Variants in CPA6 observed in about 807,000 individuals in gnomAD.
CPA6 encodes carboxypeptidase A6.
CPA6 carries 58 observed loss-of-function variants against 63.3 expected under a neutral mutation model. That is an observed-to-expected ratio of 0.92 (90% CI 0.74 to 1.14). The LOEUF (loss-of-function observed/expected upper bound fraction) is 1.14. Ranked by LOEUF, CPA6 falls within the 50% of genes most tolerant of loss-of-function variation. The pLI is 0.00. For synonymous variants in CPA6, 185 were observed against 179.0 expected, an observed-to-expected ratio of 1.03 and a Z score of -0.27; for missense variants, 565 against 526.6, an observed-to-expected ratio of 1.07 and a Z score of -0.71.
intron 5 of CPA6, among the ~76,000 whole-genome samples, chr8:67,508,572 G>A (rs919765440): frequency 1.5e-4 from 23 of 152,142 alleles, no homozygotes; most frequent in African/African-American, 3.1e-4. Context: ...CCTAAGGAAA[G>A]GATAAGGGGA....
intron 6 of CPA6, among the ~76,000 whole-genome samples, chr8:67,496,554 TATATTTATTTTA>T (rs1811721214): frequency 7.4e-6 from 1 of 135,176 alleles, no homozygotes; most frequent in Non-Finnish European, 1.6e-5. Flanking sequence ...TATATATATA[TATATTTATTTTA>T]TTTTTTTTTT....
intron 2 of CPA6, among the ~76,000 whole-genome samples, chr8:67,585,801 T>C (rs1813916648): frequency 1.3e-5 from 2 of 152,140 alleles, no homozygotes; most frequent in Non-Finnish European, 2.9e-5. Flanking sequence ...AATAGTGATA[T>C]TTGACGAGGA....
chr8:67,518,089 G>T (rs760472370), intron 2 of CPA6, 42 bp from the exon 3 acceptor site: 43 of 1,489,482 alleles, frequency 2.9e-5, no homozygotes, highest in Middle Eastern at 1.8e-4. Context: ...TCCAACGTAG[G>T]GGGGGAAAAT....
At chr8:67,452,977 T>C (rs1303341916) in intron 8 of CPA6, among the ~76,000 whole-genome samples, 1 of 152,170 alleles carries the variant, frequency 6.6e-6, no homozygotes, top group Non-Finnish European at 1.5e-5. Flanking sequence ...CCAGATTATG[T>C]GAAGTTTATA....
At chr8:67,650,297 T>G (rs11785219) in intron 1 of CPA6, among the ~76,000 whole-genome samples, 26,360 of 151,988 alleles carry the variant, frequency 0.17, 2,392 homozygotes, top group African/African-American at 0.22. Flanking sequence ...AAAATTACAA[T>G]AGAAAATTAT....
At chr8:67,625,118 AG>A (rs545715990) in intron 1 of CPA6, among the ~76,000 whole-genome samples, 52 of 152,140 alleles carry the variant, frequency 3.4e-4, no homozygotes, top group African/African-American at 1.2e-3. Flanking sequence ...ATAATGAATG[AG>A]GGGTCTTGCA....
intron 1 of CPA6, among the ~76,000 whole-genome samples, chr8:67,628,440 G>C (rs757633844): frequency 1.3e-5 from 2 of 152,086 alleles, no homozygotes; most frequent in African/African-American, 2.4e-5. Context: ...AAACTTCTTT[G>C]TACGTTACAG....
At chr8:67,497,778 G>A (rs1255089039) in intron 6 of CPA6, among the ~76,000 whole-genome samples, 2 of 149,848 alleles carry the variant, frequency 1.3e-5, no homozygotes, top group African/African-American at 4.9e-5. Flanking sequence ...TGCAACCTCT[G>A]CCTCCTGGGT....
At chr8:67,579,854 A>G (rs528294758) in intron 2 of CPA6, among the ~76,000 whole-genome samples, 36 of 152,362 alleles carry the variant, frequency 2.4e-4, no homozygotes, top group South Asian at 1.0e-3. Context: ...GGGCTACAAC[A>G]TCAGAGTTGA....
At chr8:67,479,990 AG>A (rs1476651902) in intron 8 of CPA6, among the ~76,000 whole-genome samples, 1 of 150,978 alleles carries the variant, frequency 6.6e-6, no homozygotes, top group Non-Finnish European at 1.5e-5. Flanking sequence ...TTTTGGATAG[AG>A]TGGGAGGGTG....
At chr8:67,666,836 ACT>A (rs1315865699) in intron 1 of CPA6, among the ~76,000 whole-genome samples, 1 of 151,864 alleles carries the variant, frequency 6.6e-6, no homozygotes, top group Non-Finnish European at 1.5e-5. Flanking sequence ...AATGGTTGAC[ACT>A]CTCGATCATT....
chr8:67,732,588 C>T (rs894009358), intron 1 of CPA6: 1 of 152,236 alleles, frequency 6.6e-6, no homozygotes, highest in Admixed American at 6.5e-5. Context: ...GTGTTATAAA[C>T]GACAGAGTGG....
At chr8:67,509,732 G>T in intron 4 of CPA6, 114 bp from the exon 5 acceptor site, 3 of 521,212 alleles carry the variant, frequency 5.8e-6, no homozygotes, top group African/African-American at 2.0e-5. Flanking sequence ...GAGTGCACAT[G>T]GAATATAAAA....
At chr8:67,537,946 C>T (rs1486628907) in intron 2 of CPA6, among the ~76,000 whole-genome samples, 1 of 152,084 alleles carries the variant, frequency 6.6e-6, no homozygotes, top group Non-Finnish European at 1.5e-5. Flanking sequence ...GTTATTTACC[C>T]GTAGTCATTC....
rs569284420 is a variant in CPA6, at chr8:67,427,812, G to A, written c.1126+235C>T. Among the ~76,000 whole-genome samples the A allele has an allele frequency of 7.9e-5, 12 of 152,264 alleles. No homozygotes were observed. The South Asian group carries it at 1.5e-3, about 18-fold the overall frequency. Reference sequence around the variant, plus strand: ...TAAGCTCTCAAATGAGCTTGTAGTCGTTACTGCACACTTAGCATATTCTCT... The same window carrying A: ...TAAGCTCTCAAATGAGCTTGTAGTCATTACTGCACACTTAGCATATTCTCT... On this transcript the variant is annotated intron_variant, in intron 10 of 10. Coordinates refer to ENST00000297770, the MANE Select transcript of CPA6 (RefSeq NM_020361.5).
Position 67,627,271 on chromosome 8 carries a change from G to C in CPA6, c.117-3020C>G, listed in dbSNP as rs921317132. 7.2e-5 allele frequency among the ~76,000 whole-genome samples: 11 copies of C among 152,238 alleles called. 1 individual carries two copies. Among genetic ancestry groups the C allele is most frequent in the Admixed American group, 2.6e-4 (4 of 15,292 alleles). Reference sequence around the variant, plus strand: ...CCCTGTTTGTTTCACCAAACAAAAAGCTTACTCTCCCTAAATCTGATAGCT... The same window carrying C: ...CCCTGTTTGTTTCACCAAACAAAAACCTTACTCTCCCTAAATCTGATAGCT... On this transcript the variant is annotated intron_variant, in intron 1 of 10. Coordinates refer to ENST00000297770, the MANE Select transcript of CPA6 (RefSeq NM_020361.5).
At chr8:67,483,925 A>G (rs1168499350) in intron 7 of CPA6, 67 bp from the exon 8 acceptor site, 1 of 1,256,474 alleles carries the variant, frequency 8.0e-7, no homozygotes, top group Non-Finnish European at 1.2e-6. Flanking sequence ...GCATTTTAAT[A>G]GCTCAATCAA....
At chr8:67,633,721 T>C (rs1815399162) in intron 1 of CPA6, among the ~76,000 whole-genome samples, 3 of 152,090 alleles carry the variant, frequency 2.0e-5, no homozygotes, top group Admixed American at 2.0e-4. Context: ...GTCAGATTTT[T>C]CTTATCTAGT....
intron 8 of CPA6, among the ~76,000 whole-genome samples, chr8:67,451,679 G>A (rs1503367): frequency 0.25 from 37,696 of 151,938 alleles, 5,378 homozygotes; most frequent in African/African-American, 0.39. Flanking sequence ...GCCTTAGACT[G>A]TTTAATTAAC....
Sources: gnomAD v4.1 joint callset for allele counts (sites outside exome capture counted in the v4.1 genomes callset) on GRCh38, gnomAD v4.1.1 for gene constraint, MANE v1.5 for transcripts, NCBI Gene and HGNC (gene_info 2026-07-23, HGNC 2026-07-21) for gene names.